Variants in ADAM12 observed in about 807,000 individuals in gnomAD.
ADAM12 encodes ADAM metallopeptidase domain 12.
A neutral mutation model predicts 106.4 loss-of-function variants in ADAM12; 70 were observed. That is an observed-to-expected ratio of 0.66 (90% CI 0.54 to 0.80). The LOEUF is 0.80. Ranked by LOEUF, ADAM12 falls within the 30% of genes least tolerant of loss-of-function variation. The probability of loss-of-function intolerance (pLI) is 0.00; values close to 1 mark genes in which losing one functional copy is unlikely to be tolerated. For synonymous variants in ADAM12, 420 were observed against 433.5 expected (o/e 0.97, Z 0.39); for missense variants, 1,010 against 1,171.9 (o/e 0.86, Z 2.02).
intron 3 of ADAM12, among the ~76,000 whole-genome samples, chr10:126,232,567 T>A (rs558658858): frequency 6.6e-6 from 1 of 152,334 alleles, no homozygotes; most frequent in South Asian, 2.1e-4. Flanking sequence ...AAACCCCACA[T>A]GGAGCCAAGC....
chr10:126,221,448 A>T (rs1958093234), intron 3 of ADAM12, among the ~76,000 whole-genome samples: 1 of 152,070 alleles, frequency 6.6e-6, no homozygotes, highest in Non-Finnish European at 1.5e-5. Flanking sequence ...AAAGAGGCAA[A>T]GTACTGTTGA....
intron 3 of ADAM12, among the ~76,000 whole-genome samples, chr10:126,185,140 T>C (rs1957377712): frequency 6.6e-6 from 1 of 152,256 alleles, no homozygotes; most frequent in South Asian, 2.1e-4. Context: ...AGTCCTGGCT[T>C]ACCTCTGTGG....
intron 11 of ADAM12, among the ~76,000 whole-genome samples, chr10:126,091,147 GA>G (rs34101122): frequency 0.63 from 95,854 of 152,060 alleles, 32,575 homozygotes; most frequent in Non-Finnish European, 0.75. Context: ...TAGGAATTCT[GA>G]AAAAAGCCTT....
chr10:126,343,929 T>G (rs1855038216), intron 1 of ADAM12, among the ~76,000 whole-genome samples: 1 of 152,228 alleles, frequency 6.6e-6, no homozygotes. Context: ...TAGCCCTTTG[T>G]CAGATGAGTA....
At chr10:126,247,529 G>A (rs1001732717) in intron 3 of ADAM12, among the ~76,000 whole-genome samples, 2 of 152,156 alleles carry the variant, frequency 1.3e-5, no homozygotes, top group African/African-American at 2.4e-5. Context: ...TGTGACGTAT[G>A]GGCAATCCCA....
At chr10:126,348,075 A>G (rs1340379852) in intron 1 of ADAM12, among the ~76,000 whole-genome samples, 2 of 152,294 alleles carry the variant, frequency 1.3e-5, no homozygotes, top group Non-Finnish European at 2.9e-5. Flanking sequence ...AAAGGAGAGG[A>G]TTTGTGGAAA....
chr10:126,185,208 G>C (rs552520722), intron 3 of ADAM12, among the ~76,000 whole-genome samples: 1 of 152,238 alleles, frequency 6.6e-6, no homozygotes, highest in South Asian at 2.1e-4. Context: ...TTCCTTTTGA[G>C]GTCCATGAAG....
At chr10:126,230,148 T>C (rs1210660192) in intron 3 of ADAM12, among the ~76,000 whole-genome samples, 1 of 152,182 alleles carries the variant, frequency 6.6e-6, no homozygotes, top group African/African-American at 2.4e-5. Context: ...TTCTGTGTGA[T>C]CTTCCAGCCC....
At chr10:126,029,759 A>T (rs1033858625) in intron 21 of ADAM12, among the ~76,000 whole-genome samples, 2 of 152,206 alleles carry the variant, frequency 1.3e-5, no homozygotes, top group African/African-American at 2.4e-5. Context: ...AGAAAATCTT[A>T]AACCTGTGAA....
chr10:126,375,739 CTTCT>C (rs142821352), intron 1 of ADAM12, among the ~76,000 whole-genome samples: 88 of 134,862 alleles, frequency 6.5e-4, no homozygotes, highest in South Asian at 6.2e-3. Flanking sequence ...ACTTCTTCTT[CTTCT>C]TTTTTTTTTT....
Position 126,039,422 on chromosome 10 carries a change from T to G in ADAM12, c.2112A>C (p.Gln704His), listed in dbSNP as rs755867620. ...TCACCAGAATTCCTATGGTTAAACCTTGGTTATCTGAAACAAAACACATGG... is the reference window on the plus strand; with the variant it reads ...TCACCAGAATTCCTATGGTTAAACCGTGGTTATCTGAAACAAAACACATGG... ...DSGPIRQADN[Q>H]GLTIGILVTI... The change falls in exon 19 of 23, where the codon CAA becomes CAC. Residue 704 changes from glutamine to histidine, a missense_variant. Physicochemically the swap from Gln to His is conservative, Grantham distance 24. This residue lies in a region of ADAM12 where 615 missense variants were observed against 708.5 expected (regional missense o/e 0.87). Coordinates refer to ENST00000448723, the MANE Select transcript of ADAM12 (RefSeq NM_001288973.2). The G allele has an allele frequency of 7.4e-6, 12 of 1,613,956 alleles. No homozygotes were observed. Among genetic ancestry groups the G allele is most frequent in the African/African-American group, 1.3e-5 (1 of 74,914 alleles).
chr10:126,198,267 T>A (rs959230372), intron 3 of ADAM12, among the ~76,000 whole-genome samples: 1 of 152,170 alleles, frequency 6.6e-6, no homozygotes, highest in Non-Finnish European at 1.5e-5. Context: ...AAAGACTGAA[T>A]CTCAACCCTG....
At chr10:126,039,578 A>T (rs2133406516) in intron 18 of ADAM12, 149 bp from the exon 19 acceptor site, 2 of 929,616 alleles carry the variant, frequency 2.2e-6, no homozygotes, top group South Asian at 1.7e-5. Flanking sequence ...AAACTGTCTT[A>T]CTTCAGATGC....
At chr10:126,196,939 G>C (rs981741141) in intron 3 of ADAM12, among the ~76,000 whole-genome samples, 3 of 152,192 alleles carry the variant, frequency 2.0e-5, no homozygotes, top group African/African-American at 7.2e-5. Flanking sequence ...GAGACTAGGG[G>C]ACAAAGGAAA....
At chr10:126,272,391 C>T (rs1565182629) in intron 3 of ADAM12, among the ~76,000 whole-genome samples, 2 of 152,134 alleles carry the variant, frequency 1.3e-5, no homozygotes. Flanking sequence ...CCAACATGAC[C>T]TCTGACATCA....
chr10:126,207,812 T>C (rs1318495600), intron 3 of ADAM12, among the ~76,000 whole-genome samples: 1 of 152,224 alleles, frequency 6.6e-6, no homozygotes, highest in Middle Eastern at 3.2e-3. Context: ...CTCTTTATCA[T>C]CATCTCTCAG....
chr10:126,272,605 A>C (rs1959183743), intron 3 of ADAM12, among the ~76,000 whole-genome samples: 1 of 152,230 alleles, frequency 6.6e-6, no homozygotes, highest in South Asian at 2.1e-4. Flanking sequence ...AATTTCTGAG[A>C]TATGGTTCCA....
At chr10:126,331,364 A>G (rs963773116) in intron 1 of ADAM12, among the ~76,000 whole-genome samples, 2 of 152,222 alleles carry the variant, frequency 1.3e-5, no homozygotes, top group African/African-American at 4.8e-5. Context: ...AGCAGGACTC[A>G]TAATTTTCAG....
intron 1 of ADAM12, among the ~76,000 whole-genome samples, chr10:126,374,593 C>T (rs1459150166): frequency 6.6e-6 from 1 of 152,022 alleles, no homozygotes; most frequent in Admixed American, 6.6e-5. Context: ...ACAGTTTAAA[C>T]AGCATTTAGA....
Sources: allele counts gnomAD v4.1 joint callset (sites outside exome capture counted in the v4.1 genomes callset), GRCh38; gene constraint gnomAD v4.1.1; regional missense constraint gnomAD v4.1.1; transcripts MANE v1.5; gene names NCBI Gene and HGNC (gene_info 2026-07-23, HGNC 2026-07-21).